The following PLCG2 variants were observed in gnomAD, a reference collection of about 807,000 sequenced individuals.
The protein encoded by PLCG2 is 1-phosphatidylinositol 4,5-bisphosphate phosphodiesterase gamma-2.
A neutral mutation model predicts 175.6 loss-of-function variants in PLCG2; 69 were observed. The ratio of observed to expected loss-of-function variants is 0.39; its 90% CI spans 0.32 to 0.48. PLCG2 has a LOEUF of 0.48. PLCG2 is among the 20% of genes least tolerant of loss of function. PLCG2 has a pLI of 0.91. For synonymous variants in PLCG2, 827 were observed against 624.0 expected, an observed-to-expected ratio of 1.33 and a Z score of -4.85; for missense variants, 1,798 against 1,650.9, an observed-to-expected ratio of 1.09 and a Z score of -1.54.
chr16:81,858,373 T>G lies in PLCG2; in HGVS notation c.431+17T>G. On this transcript the variant is annotated intron_variant, in intron 4 of 32. Transcript: ENST00000564138. Reference sequence around the variant, plus strand: ...TATCGAGAGGTAGTTGGCTTTTGCCTGTTGATTTGCGTAGTTGCTGATTCC... The same window carrying G: ...TATCGAGAGGTAGTTGGCTTTTGCCGGTTGATTTGCGTAGTTGCTGATTCC... 1 of 1,568,784 alleles carries G rather than the reference T, an allele frequency of 6.4e-7. No individual in the cohort carries two copies. Among genetic ancestry groups the G allele is most frequent in the South Asian group, 1.1e-5 (1 of 90,162 alleles).
chr16:81,961,622 C>T lies in PLCG2; in HGVS notation c.*3624C>T, dbSNP rs559360057. The T allele has an allele frequency of 4.6e-6, 1 of 216,210 alleles. No homozygotes were observed. The highest frequency in any genetic ancestry group is 9.3e-6 in the Non-Finnish European group (1 of 107,524). The allele number at this position is 216,210 out of a possible 1,614,324, so 13.4% of individuals were successfully genotyped here. On this transcript the variant is annotated 3_prime_UTR_variant, in exon 33 of 33. Coordinates refer to ENST00000564138, the MANE Select transcript of PLCG2 (RefSeq NM_002661.5). ...TCAAGGAGTAAAAGGAAAAGTGGGG[C>T]ATTCCTTGCTACTAAAAATTGCCTT... is the stretch of plus-strand genomic sequence containing the variant.
chr16:81,864,611 G>T (rs1022079817), intron 5 of PLCG2, among the ~76,000 whole-genome samples: 1 of 152,212 alleles, frequency 6.6e-6, no homozygotes, highest in Non-Finnish European at 1.5e-5. Context: ...CAGATGTGAG[G>T]CTTCAGGAGT....
chr16:81,909,684 G>T (rs1909532587), intron 17 of PLCG2, among the ~76,000 whole-genome samples: 1 of 152,158 alleles, frequency 6.6e-6, no homozygotes, highest in South Asian at 2.1e-4. Flanking sequence ...GAAGTGCTAG[G>T]ATTACAGCTG....
At chr16:81,854,681 C>T (rs1597356340) in intron 3 of PLCG2, 94 bp downstream of exon 3, 2 of 1,118,158 alleles carry the variant, frequency 1.8e-6, no homozygotes, top group East Asian at 4.7e-5. Flanking sequence ...CCTGCCTGCT[C>T]ACTGATGTGT....
chr16:81,926,540 TTGAG>T (rs1355898749), intron 22 of PLCG2, among the ~76,000 whole-genome samples: 2 of 152,220 alleles, frequency 1.3e-5, no homozygotes, highest in Admixed American at 6.5e-5. Context: ...GCTAACACTA[TTGAG>T]TATTTACTGT....
At chr16:81,830,541 C>G (rs1230362349) in intron 2 of PLCG2, among the ~76,000 whole-genome samples, 2 of 152,022 alleles carry the variant, frequency 1.3e-5, no homozygotes, top group Non-Finnish European at 2.9e-5. Flanking sequence ...CTCCTGACCT[C>G]AAGTGATCCA....
upstream of PLCG2, among the ~76,000 whole-genome samples, chr16:81,776,351 C>T (rs776791910): frequency 7.9e-5 from 12 of 151,994 alleles, no homozygotes; most frequent in Non-Finnish European, 1.5e-4. Context: ...CCTCGTGATC[C>T]GCCCGCCTCA....
At chr16:81,845,385 G>A (rs796881227) in intron 2 of PLCG2, among the ~76,000 whole-genome samples, 5 of 152,052 alleles carry the variant, frequency 3.3e-5, no homozygotes, top group African/African-American at 4.8e-5. Flanking sequence ...ATGTACAGTC[G>A]CACACTCATT....
intron 2 of PLCG2, among the ~76,000 whole-genome samples, chr16:81,830,031 T>C (rs1405006728): frequency 6.6e-6 from 1 of 151,850 alleles, no homozygotes; most frequent in Non-Finnish European, 1.5e-5. Context: ...ATTAAATATA[T>C]AATAGTGGCC....
intron 2 of PLCG2, among the ~76,000 whole-genome samples, chr16:81,796,252 C>A (rs985058449): frequency 2.0e-5 from 3 of 152,252 alleles, no homozygotes; most frequent in African/African-American, 7.2e-5. Context: ...CCCTCCCCTC[C>A]CCAGCACAGA....
chr16:81,889,413 GTTTCT>G (rs531962864), intron 10 of PLCG2, 140 bp downstream of exon 10: 498 of 582,620 alleles, frequency 8.5e-4, no homozygotes, highest in African/African-American at 5.0e-3. Context: ...AGCTGGGATT[GTTTCT>G]TTTCTTTTCT....
chr16:81,778,378 C>A (rs56704282), upstream of PLCG2, among the ~76,000 whole-genome samples: 126,462 of 151,978 alleles, frequency 0.83, 52,729 homozygotes, highest in South Asian at 0.95. Context: ...TCTTAGAAAA[C>A]AGAAGCTATA....
At chr16:81,895,741 G>A (rs527825225) in intron 12 of PLCG2, 66 bp from the exon 13 acceptor site, 29 of 1,585,268 alleles carry the variant, frequency 1.8e-5, no homozygotes, top group East Asian at 2.3e-5. Context: ...TGTGTGGGCC[G>A]GGGGCTGACC....
At chr16:81,812,153 C>T (rs1387309880) in intron 2 of PLCG2, among the ~76,000 whole-genome samples, 3 of 150,954 alleles carry the variant, frequency 2.0e-5, no homozygotes, top group Admixed American at 2.0e-4. Context: ...GGGTTCACGC[C>T]ATTCTCCTGT....
chr16:81,833,499 GTT>G (rs1235833354), intron 2 of PLCG2, among the ~76,000 whole-genome samples: 1 of 129,146 alleles, frequency 7.7e-6, no homozygotes, highest in African/African-American at 2.8e-5. Context: ...ACTCCTGCCT[GTT>G]TTTTTTTTTT....
rs780268307 is a variant in PLCG2 at position 81,859,104 on chromosome 16, A to G, written c.432-12A>G. 2 of 1,536,806 alleles carry G rather than the reference A, an allele frequency of 1.3e-6. No homozygotes were observed. The highest frequency in any genetic ancestry group is 2.2e-5 in the South Asian group (2 of 89,502). On this transcript the variant is annotated splice_polypyrimidine_tract_variant and intron_variant, in intron 4 of 32. Coordinates refer to ENST00000564138, the MANE Select transcript of PLCG2 (RefSeq NM_002661.5). Reference sequence around the variant, plus strand: ...TCTTTCTCTCTTTCTTTTGTCTCATATTTCTTTCCAGTTGGCTGAGAAAGC... The same window carrying G: ...TCTTTCTCTCTTTCTTTTGTCTCATGTTTCTTTCCAGTTGGCTGAGAAAGC...
intron 1 of PLCG2, among the ~76,000 whole-genome samples, chr16:81,753,342 G>GTTTTTTTTT (rs34438350): frequency 7.3e-3 from 664 of 91,080 alleles, no homozygotes; most frequent in African/African-American, 0.013. Context: ...GTCCTGGCAG[G>GTTTTTTTTT]TTTTTTTTTT....
chr16:81,844,408 C>T (rs1906004099), intron 2 of PLCG2, among the ~76,000 whole-genome samples: 2 of 152,084 alleles, frequency 1.3e-5, no homozygotes, highest in South Asian at 4.1e-4. Context: ...CTCTGCACCC[C>T]CACAATGGGT....
intron 2 of PLCG2, among the ~76,000 whole-genome samples, chr16:81,836,928 T>C (rs1220405881): frequency 6.6e-6 from 1 of 152,164 alleles, no homozygotes; most frequent in African/African-American, 2.4e-5. Context: ...ATGTACTCAG[T>C]GTTTCTGTGC....
Sources: allele counts gnomAD v4.1 joint callset (sites outside exome capture counted in the v4.1 genomes callset), GRCh38; gene constraint gnomAD v4.1.1; transcripts MANE v1.5; gene names NCBI Gene and HGNC (gene_info 2026-07-23, HGNC 2026-07-21).